TRIM26: variants seen among roughly 807,000 people sequenced by gnomAD.
TRIM26 encodes tripartite motif containing 26, also known as tripartite motif-containing protein 26.
Under a neutral mutation model 45.5 loss-of-function variants are expected in TRIM26, and 16 were observed. The ratio of observed to expected loss-of-function variants is 0.35; its 90% CI spans 0.24 to 0.53. TRIM26 has a LOEUF of 0.53. TRIM26 is among the 20% of genes least tolerant of loss of function. The probability of loss-of-function intolerance (pLI) is 0.92; values close to 1 mark genes in which losing one functional copy is unlikely to be tolerated. For missense variants in TRIM26, 442 were observed against 691.1 expected (o/e 0.64, Z 4.04); for synonymous variants, 273 against 290.4 (o/e 0.94, Z 0.61).
At chr6:30,208,515 C>CTTTTTTTTTTTT (rs35809533) in intron 1 of TRIM26, among the ~76,000 whole-genome samples, 1 of 128,224 alleles carries the variant, frequency 7.8e-6, no homozygotes. Context: ...AATTTTTTTC[C>CTTTTTTTTTTTT]TTTTTTTTTT....
intron 3 of TRIM26, 41 bp from the exon 4 acceptor site, chr6:30,199,305 A>G: frequency 2.0e-6 from 1 of 505,360 alleles, no homozygotes; most frequent in Non-Finnish European, 3.5e-6. Context: ...AGGACCTTAT[A>G]GATCTAGTCC....
rs1448098659 is a variant in TRIM26, at chr6:30,189,379, G to A, written c.904+39C>T. On this transcript the variant is annotated intron_variant, in intron 8 of 9. Coordinates refer to ENST00000454678, the MANE Select transcript of TRIM26 (RefSeq NM_003449.5). This position sits in a 1 kb window ranked among gnomAD's most constrained non-coding sequence, Gnocchi z 5.0. ...TGCGCTCTTTCTACGAGGTAGCCCTGCTCTGACTCCCACCCTTTGTGCGCT... is the reference window on the plus strand; with the variant it reads ...TGCGCTCTTTCTACGAGGTAGCCCTACTCTGACTCCCACCCTTTGTGCGCT... The A allele has an allele frequency of 6.2e-7, 1 of 1,603,114 alleles. No homozygotes were observed. Among genetic ancestry groups the A allele is most frequent in the East Asian group, 2.2e-5 (1 of 44,822 alleles).
At chr6:30,211,075 G>T (rs1778241261) in intron 1 of TRIM26, among the ~76,000 whole-genome samples, 1 of 152,046 alleles carries the variant, frequency 6.6e-6, no homozygotes, top group South Asian at 2.1e-4. Context: ...CAAAGTAGGG[G>T]GTCTGCAAAT....
chr6:30,196,789 A>G lies in TRIM26; in HGVS notation c.535-43T>C. 1 of 1,599,688 alleles carries G rather than the reference A, an allele frequency of 6.3e-7. No individual in the cohort carries two copies. The highest frequency in any genetic ancestry group is 8.6e-7 in the Non-Finnish European group (1 of 1,168,424). On this transcript the variant is annotated intron_variant, in intron 5 of 9. Transcript: ENST00000454678. The surrounding 1 kb of genome is among the most constrained non-coding windows in gnomAD (Gnocchi z 4.9). ...GGGAGAAGGGCTGACACCTCTGCTC[A>G]GGGTGGAGGGCCCAGTGCTGGAGGT...
At position 30,209,567 on chromosome 6, in the gene TRIM26, TTC is replaced by T. The variant is rs762287819; in HGVS notation, c.-376+3736_-376+3737del. Among the ~76,000 whole-genome samples the T allele has an allele frequency of 6.6e-6, 1 of 152,210 alleles. No individual in the cohort carries two copies. The highest frequency in any genetic ancestry group is 1.5e-5 in the Non-Finnish European group (1 of 68,038). On this transcript the variant is annotated intron_variant, in intron 1 of 9. Coordinates refer to ENST00000454678, the MANE Select transcript of TRIM26 (RefSeq NM_003449.5). The surrounding 1 kb of genome is among the most constrained non-coding windows in gnomAD (Gnocchi z 4.8). ...TTTACAATTTACCCAGTCTGTGGTATTCTGTTACAGCAACAGAAAATGGATTA... is the reference window on the plus strand; with the variant it reads ...TTTACAATTTACCCAGTCTGTGGTATTGTTACAGCAACAGAAAATGGATTA...
At chr6:30,212,356 G>GT (rs1778369123) in intron 1 of TRIM26, among the ~76,000 whole-genome samples, 1 of 152,110 alleles carries the variant, frequency 6.6e-6, no homozygotes, top group Non-Finnish European at 1.5e-5. Flanking sequence ...AAGTACTGAG[G>GT]TAAAAACTAA....
At chr6:30,195,592 C>T (rs1047494206) in intron 6 of TRIM26, among the ~76,000 whole-genome samples, 12 of 152,074 alleles carry the variant, frequency 7.9e-5, no homozygotes, top group African/African-American at 2.9e-4. Flanking sequence ...GAGCAGGTGG[C>T]CGCCTCCTTC....
chr6:30,196,469 A>C lies in TRIM26; in HGVS notation c.765+47T>G. The C allele has an allele frequency of 6.4e-7, 1 of 1,573,508 alleles. No homozygotes were observed. Among genetic ancestry groups the C allele is most frequent in the Non-Finnish European group, 8.6e-7 (1 of 1,158,436 alleles). On this transcript the variant is annotated intron_variant, in intron 6 of 9. Transcript: ENST00000454678. The surrounding 1 kb of genome is among the most constrained non-coding windows in gnomAD (Gnocchi z 4.9). ...CCTGCAAGTGAATGGCAGGGCTGGGACCCACCGTCCTGGTCCCTGGCGCCC... is the reference window on the plus strand; with the variant it reads ...CCTGCAAGTGAATGGCAGGGCTGGGCCCCACCGTCCTGGTCCCTGGCGCCC...
rs573903712 is a variant in TRIM26, at chr6:30,186,929, T to G, written c.938-371A>C. 12 of 569,384 alleles carry G rather than the reference T, an allele frequency of 2.1e-5. No individual in the cohort carries two copies. The allele number at this position is 569,384 out of a possible 1,614,324, so 35.3% of individuals were successfully genotyped here. A position where few individuals can be genotyped will look rare whatever the true frequency, so the allele number is the denominator to read the frequency against. On this transcript the variant is annotated intron_variant, in intron 9 of 9. Transcript: ENST00000454678. This position sits in a 1 kb window ranked among gnomAD's most constrained non-coding sequence, Gnocchi z 7.4. ...CAGTCCCTGAAAAATCTGTTCCATT[T>G]TCTTCATAATCCAGAAAAAAAGTCC...
Position 30,186,651 on chromosome 6 carries a change from T to C in TRIM26, c.938-93A>G. 7.2e-7 allele frequency: 1 copy of C among 1,394,540 alleles called. No homozygotes were observed. Among genetic ancestry groups the C allele is most frequent in the Non-Finnish European group, 9.4e-7 (1 of 1,059,454 alleles). 86.4% of individuals were successfully genotyped at this position (1,394,540 alleles called of 1,614,324 possible). On this transcript the variant is annotated intron_variant, in intron 9 of 9. Coordinates refer to ENST00000454678, the MANE Select transcript of TRIM26 (RefSeq NM_003449.5). This position sits in a 1 kb window ranked among gnomAD's most constrained non-coding sequence, Gnocchi z 7.4. ...ATAAAATTTATTTTGGCAGATAGCG[T>C]TAAACAAAATTAAAGTTGCATACAT...
In TRIM26 at chr6:30,189,408, C is replaced by T. The variant is rs755048609; in HGVS notation, c.904+10G>A. ...TGACTCCCACCCTTTGTGCGCTCCC[C>T]AACCCTTACCCTGGAATTCCCTCAG... On this transcript the variant is annotated intron_variant, in intron 8 of 9. Coordinates refer to ENST00000454678, the MANE Select transcript of TRIM26 (RefSeq NM_003449.5). This position sits in a 1 kb window ranked among gnomAD's most constrained non-coding sequence, Gnocchi z 5.0. 1.1e-5 allele frequency: 17 copies of T among 1,612,694 alleles called. No homozygotes were observed. Among genetic ancestry groups the T allele is most frequent in the Middle Eastern group, 1.7e-4 (1 of 6,060 alleles).
intron 1 of TRIM26, among the ~76,000 whole-genome samples, chr6:30,210,432 T>C (rs1778171161): frequency 6.6e-6 from 1 of 152,212 alleles, no homozygotes; most frequent in Non-Finnish European, 1.5e-5. Flanking sequence ...ATACAATTTG[T>C]CCCCTTATCT....
At chr6:30,188,528 G>A in intron 9 of TRIM26, 1 of 254,510 alleles carries the variant, frequency 3.9e-6, no homozygotes. Context: ...ACCACCTAAG[G>A]TTTAACCACT....
intron 6 of TRIM26, among the ~76,000 whole-genome samples, chr6:30,191,262 C>G (rs718254): frequency 0.43 from 64,899 of 151,684 alleles, 14,056 homozygotes; most frequent in Non-Finnish European, 0.45. Flanking sequence ...GCTATTCTGA[C>G]ATGCTCAGAT....
Position 30,186,903 on chromosome 6 carries a change from C to A in TRIM26, c.938-345G>T. The A allele has an allele frequency of 3.0e-6, 2 of 659,098 alleles. No homozygotes were observed. Among genetic ancestry groups the A allele is most frequent in the South Asian group, 1.7e-5 (1 of 58,672 alleles). The allele number at this position is 659,098 out of a possible 1,614,324, so 40.8% of individuals were successfully genotyped here. ...ATTAATATCATCCAAGTGTGGATCA[C>A]CAGTCCCTGAAAAATCTGTTCCATT... On this transcript the variant is annotated intron_variant, in intron 9 of 9. Transcript: ENST00000454678. This position sits in a 1 kb window ranked among gnomAD's most constrained non-coding sequence, Gnocchi z 7.4.
chr6:30,197,557 A>G (rs1776621321), intron 5 of TRIM26, among the ~76,000 whole-genome samples: 1 of 152,136 alleles, frequency 6.6e-6, no homozygotes, highest in Non-Finnish European at 1.5e-5. Context: ...CAAGTACATA[A>G]TGTGCTGCCT....
chr6:30,186,573 G>GAAAAAA lies in TRIM26; in HGVS notation c.938-21_938-16dup. ...GGTGACGCTCACTGTGGGGACAAGG[G>GAAAAAA]AAAAAAAAAAAAACAGCATCACTGT... On this transcript the variant is annotated splice_polypyrimidine_tract_variant and intron_variant, in intron 9 of 9. Transcript: ENST00000454678. This position sits in a 1 kb window ranked among gnomAD's most constrained non-coding sequence, Gnocchi z 7.4. 1.5e-6 allele frequency: 2 copies of GAAAAAA among 1,355,266 alleles called. No individual in the cohort carries two copies. Among genetic ancestry groups the GAAAAAA allele is most frequent in the South Asian group, 1.7e-5 (1 of 57,272 alleles). 84.0% of individuals were successfully genotyped at this position (1,355,266 alleles called of 1,614,324 possible). A position where few individuals can be genotyped will look rare whatever the true frequency, so the allele number is the denominator to read the frequency against.
At chr6:30,195,642 G>A (rs930888781) in intron 6 of TRIM26, among the ~76,000 whole-genome samples, 3 of 152,158 alleles carry the variant, frequency 2.0e-5, no homozygotes, top group African/African-American at 7.2e-5. Context: ...AGTCTGCCTT[G>A]CTATCTCTCC....
At chr6:30,211,210 T>A (rs1278924863) in intron 1 of TRIM26, among the ~76,000 whole-genome samples, 1 of 152,150 alleles carries the variant, frequency 6.6e-6, no homozygotes. Context: ...CAGGGCTCTC[T>A]TTAGATTAGA....
Sources: gnomAD v4.1 joint callset for allele counts (sites outside exome capture counted in the v4.1 genomes callset) on GRCh38, gnomAD v4.1.1 for gene constraint, Gnocchi (gnomAD v3.1) non-coding constraint, MANE v1.5 for transcripts, NCBI Gene and HGNC (gene_info 2026-07-23, HGNC 2026-07-21) for gene names.